Variants in FBN2 observed in about 807,000 individuals in gnomAD.
FBN2 encodes fibrillin-2.
FBN2 carries 105 observed loss-of-function variants against 355.6 expected under a neutral mutation model. The observed-to-expected ratio is 0.30, with a 90% CI of 0.25 to 0.35. The LOEUF (loss-of-function observed/expected upper bound fraction) is 0.35. Among genes scored for constraint, FBN2 ranks in the 10% least tolerant of loss-of-function variants. The pLI, the probability that FBN2 is intolerant of heterozygous loss-of-function variation, is 1.00. For synonymous variants in FBN2, 1,350 were observed against 1,301.2 expected (o/e 1.04, Z -0.81); for missense variants, 3,280 against 3,758.7 (o/e 0.87, Z 3.33).
chr5:128,342,731 ATT>A (rs144593563), intron 25 of FBN2, among the ~76,000 whole-genome samples: 3 of 144,172 alleles, frequency 2.1e-5, no homozygotes, highest in African/African-American at 2.5e-5. Flanking sequence ...GATAAAGGAG[ATT>A]TTTTTTTTTT....
At chr5:128,301,575 G>C in intron 46 of FBN2, 65 bp from the exon 47 acceptor site, 1 of 1,500,598 alleles carries the variant, frequency 6.7e-7, no homozygotes, top group Non-Finnish European at 9.2e-7. Context: ...TTCACAAGAC[G>C]CTACTTAAAA....
chr5:128,356,150 G>C lies in FBN2; in HGVS notation c.2674+1126C>G, dbSNP rs1165645593. On this transcript the variant is annotated intron_variant, in intron 20 of 64. Transcript: ENST00000262464. ...CACACCCCACCGCCCCCCCAACCCAGCCCGGAATTCTATAAGAAAAAAAGT... is the reference window on the plus strand; with the variant it reads ...CACACCCCACCGCCCCCCCAACCCACCCCGGAATTCTATAAGAAAAAAAGT... 1.1e-4 allele frequency among the ~76,000 whole-genome samples: 16 copies of C among 146,634 alleles called. No individual in the cohort carries two copies. The East Asian group carries it at 3.1e-3, about 29-fold the overall frequency.
chr5:128,439,340 T>C (rs952603462), intron 7 of FBN2, among the ~76,000 whole-genome samples: 4 of 152,186 alleles, frequency 2.6e-5, no homozygotes, highest in South Asian at 2.1e-4. Flanking sequence ...TAGGGCACTT[T>C]TATACTCTTA....
intron 7 of FBN2, among the ~76,000 whole-genome samples, chr5:128,430,769 G>A (rs1051242013): frequency 6.6e-6 from 1 of 151,020 alleles, no homozygotes; most frequent in Non-Finnish European, 1.5e-5. Flanking sequence ...CCTTGAGCCT[G>A]GGAGGCGGAG....
At position 128,378,897 on chromosome 5, in the gene FBN2, G is replaced by T; in HGVS notation, c.1604-7C>A. The stretch of plus-strand genomic sequence containing the variant: ...GATGTGCATTCATCAACATCTGTGA[G>T]CAGCAAAAGAAACCATTATAGACTT... On this transcript the variant is annotated splice_region_variant and splice_polypyrimidine_tract_variant and intron_variant, in intron 11 of 64. Coordinates refer to ENST00000262464, the MANE Select transcript of FBN2 (RefSeq NM_001999.4). 6.2e-7 allele frequency: 1 copy of T among 1,612,872 alleles called. No homozygotes were observed. The highest frequency in any genetic ancestry group is 8.5e-7 in the Non-Finnish European group (1 of 1,179,116).
At chr5:128,353,368 C>T (rs1016383041) in intron 20 of FBN2, among the ~76,000 whole-genome samples, 3 of 152,092 alleles carry the variant, frequency 2.0e-5, no homozygotes, top group Non-Finnish European at 2.9e-5. Flanking sequence ...CTCTCCTGTA[C>T]TGAATAAAAA....
At chr5:128,384,739 G>C (rs1355489838) in intron 11 of FBN2, among the ~76,000 whole-genome samples, 1 of 151,924 alleles carries the variant, frequency 6.6e-6, no homozygotes, top group East Asian at 1.9e-4. Flanking sequence ...TGGCACCTGG[G>C]GACCAAAAAT....
At chr5:128,275,894 T>A (rs1765382778) in intron 59 of FBN2, 144 bp downstream of exon 59, 1 of 910,092 alleles carries the variant, frequency 1.1e-6, no homozygotes, top group Non-Finnish European at 1.8e-6. Flanking sequence ...TTGGTAGAGT[T>A]TTTCTATGAG....
At chr5:128,311,771 T>C (rs575502606) in intron 38 of FBN2, 114 bp downstream of exon 38, 2 of 771,452 alleles carry the variant, frequency 2.6e-6, no homozygotes, top group Admixed American at 4.0e-5. Flanking sequence ...AGTCCATCTG[T>C]AATTTTACTA....
At chr5:128,398,093 T>C (rs1752697692) in intron 8 of FBN2, among the ~76,000 whole-genome samples, 1 of 152,084 alleles carries the variant, frequency 6.6e-6, no homozygotes, top group Non-Finnish European at 1.5e-5. Context: ...CAATTCATAG[T>C]AGGTTTTTGG....
chr5:128,537,139 G>A (rs970125437), intron 1 of FBN2, among the ~76,000 whole-genome samples: 9 of 152,120 alleles, frequency 5.9e-5, no homozygotes, highest in Admixed American at 4.6e-4. Flanking sequence ...CCCAACCCCC[G>A]GAGAGAGGGC....
intron 7 of FBN2, among the ~76,000 whole-genome samples, chr5:128,436,787 C>A (rs1056331144): frequency 6.6e-6 from 1 of 152,100 alleles, no homozygotes; most frequent in Non-Finnish European, 1.5e-5. Flanking sequence ...AAAAGTAACC[C>A]AGAAGACAAA....
intron 4 of FBN2, among the ~76,000 whole-genome samples, chr5:128,521,818 T>C (rs1756440953): frequency 1.3e-5 from 2 of 152,142 alleles, no homozygotes; most frequent in Non-Finnish European, 2.9e-5. Flanking sequence ...AATTCGCAGG[T>C]AGAACAAGGC....
At position 128,305,816 on chromosome 5, in the gene FBN2, A is replaced by C; in HGVS notation, c.5548+7T>G. ...ACTGGATAAAGGACATACTTTATTC[A>C]GATTACCTTCACAAACCAACAGCAG... On this transcript the variant is annotated splice_region_variant and intron_variant, in intron 43 of 64. Transcript: ENST00000262464. 1 of 1,614,036 alleles carries C rather than the reference A, an allele frequency of 6.2e-7. No homozygotes were observed.
At position 128,290,766 on chromosome 5, in the gene FBN2, C is replaced by T. The variant is rs552637321; in HGVS notation, c.6411G>A (p.Gly2137=). 6.2e-6 allele frequency: 10 copies of T among 1,614,116 alleles called. No individual in the cohort carries two copies. The Admixed American group carries it at 1.0e-4, about 16-fold the overall frequency. The change falls in exon 50 of 65, where the codon GGG becomes GGA. Residue 2137 remains glycine, a synonymous_variant. Coordinates refer to ENST00000262464, the MANE Select transcript of FBN2 (RefSeq NM_001999.4). ...CCSKMPGEGW[G]DPCELCPKDD... The stretch of plus-strand genomic sequence containing the variant: ...CTTTGGGGCACAGCTCACAGGGGTC[C>T]CCCCAGCCCTCTCCTGGCATCTTAC...
chr5:128,357,218 A>G, intron 20 of FBN2, 58 bp downstream of exon 20: 1 of 1,605,346 alleles, frequency 6.2e-7, no homozygotes, highest in Non-Finnish European at 8.5e-7. Context: ...GTAAGGCCTG[A>G]GATCTGTGCT....
In FBN2 at chr5:128,318,208, C is replaced by T. The variant is rs772173133; in HGVS notation, c.4658G>A (p.Arg1553His). ...VNGLCVNTPG[R>H]YECNCPPDFQ... ...ATCGGGTGGGCAGTTACACTCATAG[C>T]GACCAGGCGTGTTGACACATAGGCC... Residue 1553 changes from arginine (R) to histidine (H), a missense_variant, in exon 36 of 65, where the codon CGC (arginine) becomes CAC (histidine). Physicochemically the swap from Arg to His is conservative, Grantham distance 29. Coordinates refer to ENST00000262464, the MANE Select transcript of FBN2 (RefSeq NM_001999.4). 3.7e-6 allele frequency: 6 copies of T among 1,613,844 alleles called. No individual in the cohort carries two copies. The highest frequency in any genetic ancestry group is 2.2e-5 in the East Asian group (1 of 44,876).
chr5:128,393,930 A>T (rs767682947), intron 9 of FBN2, among the ~76,000 whole-genome samples: 248 of 152,338 alleles, frequency 1.6e-3, no homozygotes, highest in Non-Finnish European at 2.1e-3. Flanking sequence ...AGAAGCAAGA[A>T]GATAGCAATT....
intron 44 of FBN2, 50 bp from the exon 45 acceptor site, chr5:128,305,132 T>G (rs1161823242): frequency 7.0e-7 from 1 of 1,432,916 alleles, no homozygotes; most frequent in South Asian, 1.2e-5. Flanking sequence ...TTATTAAGAT[T>G]TCTTCATTTT....
Sources: gnomAD v4.1 joint callset for allele counts (sites outside exome capture counted in the v4.1 genomes callset) on GRCh38, gnomAD v4.1.1 for gene constraint, MANE v1.5 for transcripts, NCBI Gene and HGNC (gene_info 2026-07-23, HGNC 2026-07-21) for gene names.